Variants in MTHFSD observed in about 807,000 individuals in gnomAD.
The protein encoded by MTHFSD is methenyltetrahydrofolate synthase domain-containing protein.
MTHFSD carries 37 observed loss-of-function variants against 31.1 expected under a neutral mutation model. The observed-to-expected ratio is 1.19, with a 90% CI of 0.91 to 1.56. The LOEUF is 1.56. Among genes scored for constraint, MTHFSD ranks in the 40% most tolerant of loss-of-function variants. The pLI is 0.00. For missense variants in MTHFSD, 664 were observed against 510.1 expected (o/e 1.30, Z -2.91); for synonymous variants, 221 against 206.9 (o/e 1.07, Z -0.59).
rs780433157 is a variant in MTHFSD, at chr16:86,554,732, G to A, written c.36C>T (p.Asp12=). The change falls in exon 2 of 8, where the codon GAC becomes GAT. Residue 12 remains aspartate (D), a synonymous_variant. Transcript: ENST00000360900. The part of the protein sequence containing the change: ...EPRAVGVSKQ[D]IREQIWGYME... ...TGTAGCCCCAAATTTGTTCACGTAT[G>A]TCCTGTTTGGAGACACCTACTGCAA... 2.1e-5 allele frequency: 34 copies of A among 1,614,000 alleles called. No homozygotes were observed. The highest frequency in any genetic ancestry group is 3.3e-4 in the Middle Eastern group (2 of 6,062).
rs201038572 is a variant in MTHFSD, at chr16:86,552,033, C to G, written c.237G>C (p.Gln79His). ...PLEGVRLLVL[Q>H]SKKTLLVPTP... ...GCTCGGCTCAGGGAAGTGGAATTACCTGCAGCACCAGCAGCCGAACGCCTT... is the reference window on the plus strand; with the variant it reads ...GCTCGGCTCAGGGAAGTGGAATTACGTGCAGCACCAGCAGCCGAACGCCTT... The change falls in exon 3 of 8, where the codon CAG becomes CAC. Residue 79 changes from glutamine (Q) to histidine (H), a missense_variant and splice_region_variant. Physicochemically the swap from Gln to His is conservative, Grantham distance 24 (BLOSUM62 0). Transcript: ENST00000360900. The G allele has an allele frequency of 6.2e-7, 1 of 1,614,150 alleles. No homozygotes were observed. Among genetic ancestry groups the G allele is most frequent in the Non-Finnish European group, 8.5e-7 (1 of 1,180,022 alleles).
At position 86,542,226 on chromosome 16, in the gene MTHFSD, C is replaced by T. The variant is rs147163454; in HGVS notation, c.443-13G>A. The T allele has an allele frequency of 1.2e-4, 194 of 1,607,672 alleles. 1 individual carries two copies. The Middle Eastern group carries it at 1.8e-3, about 15-fold the overall frequency. Reference sequence around the variant, plus strand: ...CCGATTCTCCAGCCTAAGAGACAACCGAGAATCAGTATCGCTGTGCGGTCC... The same window carrying T: ...CCGATTCTCCAGCCTAAGAGACAACTGAGAATCAGTATCGCTGTGCGGTCC... On this transcript the variant is annotated splice_polypyrimidine_tract_variant and intron_variant, in intron 5 of 7. Transcript: ENST00000360900. This position sits in a 1 kb window ranked among gnomAD's most constrained non-coding sequence, Gnocchi z 4.6.
Position 86,530,851 on chromosome 16 carries a change from T to A in MTHFSD, c.*1160A>T, listed in dbSNP as rs1969935856. 1 of 152,188 alleles carries A rather than the reference T, an allele frequency of 6.6e-6. No homozygotes were observed. The allele number at this position is 152,188 out of a possible 1,614,324, so 9.4% of individuals were successfully genotyped here. A position where few individuals can be genotyped will look rare whatever the true frequency, so the allele number is the denominator to read the frequency against. ...CAGGTGTGGCGCTTCCAGACGTTTC[T>A]ACTCTCTCATTTTATTCATGGCGAC... is the stretch of plus-strand genomic sequence containing the variant. On this transcript the variant is annotated 3_prime_UTR_variant, in exon 8 of 8. Transcript: ENST00000360900.
intron 7 of MTHFSD, chr16:86,535,425 AG>A (rs1241607504): frequency 1.0e-6 from 1 of 985,314 alleles, no homozygotes; most frequent in Non-Finnish European, 1.2e-6. Context: ...GCCAGCCAGC[AG>A]GGTGTCTGGA....
chr16:86,540,715 C>T, intron 7 of MTHFSD: 1 of 990,002 alleles, frequency 1.0e-6, no homozygotes, highest in Non-Finnish European at 1.2e-6. Flanking sequence ...TTAAGAAAGA[C>T]ATCAAGGGAT....
intron 7 of MTHFSD, 140 bp from the exon 8 acceptor site, chr16:86,532,621 A>C (rs1597308849): frequency 1.9e-6 from 1 of 539,278 alleles, no homozygotes; most frequent in Non-Finnish European, 3.0e-6. Flanking sequence ...GGGACATGGG[A>C]CTCCCACTGT....
At chr16:86,544,360 G>C (rs1339552058) in intron 5 of MTHFSD, among the ~76,000 whole-genome samples, 1 of 152,042 alleles carries the variant, frequency 6.6e-6, no homozygotes, top group Non-Finnish European at 1.5e-5. Flanking sequence ...GAGTCTGTAA[G>C]AAACTGAAAC....
chr16:86,536,477 G>C (rs568513361), intron 7 of MTHFSD, among the ~76,000 whole-genome samples: 120 of 152,276 alleles, frequency 7.9e-4, no homozygotes, highest in African/African-American at 2.8e-3. Flanking sequence ...GGTAGAAAAA[G>C]GCTCAATAGG....
Position 86,542,167 on chromosome 16 carries a change from G to A in MTHFSD, c.489C>T (p.Ala163=). 6.2e-7 allele frequency: 1 copy of A among 1,613,862 alleles called. No individual in the cohort carries two copies. The highest frequency in any genetic ancestry group is 8.5e-7 in the Non-Finnish European group (1 of 1,180,020). ...KGEGYADLEY[A]MMVSMGAVSK... ...TGACGGCGCCCATGGATACCATCATGGCATATTCCAGATCGGCGTAGCCTT... is the reference window on the plus strand; with the variant it reads ...TGACGGCGCCCATGGATACCATCATAGCATATTCCAGATCGGCGTAGCCTT... Residue 163 remains alanine, a synonymous_variant, in exon 6 of 8, where the codon GCC becomes GCT. Coordinates refer to ENST00000360900, the MANE Select transcript of MTHFSD (RefSeq NM_001159377.2). This position sits in a 1 kb window ranked among gnomAD's most constrained non-coding sequence, Gnocchi z 4.6.
rs530887125 is a variant in MTHFSD at position 86,542,110 on chromosome 16, G to A, written c.546C>T (p.His182=). 5.0e-5 allele frequency: 81 copies of A among 1,613,154 alleles called. No homozygotes were observed. Among genetic ancestry groups the A allele is most frequent in the Admixed American group, 2.8e-4 (17 of 60,002 alleles). Residue 182 remains histidine, a synonymous_variant, in exon 6 of 8, where the codon CAC becomes CAT. Coordinates refer to ENST00000360900, the MANE Select transcript of MTHFSD (RefSeq NM_001159377.2). The surrounding 1 kb of genome is among the most constrained non-coding windows in gnomAD (Gnocchi z 4.6). ...CATTCATAAGGAGCACCTGGCAGTC[G>A]TGGACGATGGTGACCACCGGCGTCT... ...SKETPVVTIV[H]DCQVVDIPEE... is the part of the protein sequence containing the mutation.
chr16:86,554,294 C>A (rs898036879), intron 2 of MTHFSD, among the ~76,000 whole-genome samples: 2 of 152,192 alleles, frequency 1.3e-5, no homozygotes, highest in Admixed American at 1.3e-4. Context: ...TGAACACATC[C>A]AAACATCAGA....
In MTHFSD at chr16:86,554,965, T is replaced by C. The variant is rs530563500; in HGVS notation, c.16+204A>G. On this transcript the variant is annotated intron_variant, in intron 1 of 7. Transcript: ENST00000360900. ...GCCTCGTCTTCTCGTTATCTTTATT[T>C]TTCCTGACATCTTTCTCGGGATTCC... 115 of 1,299,746 alleles carry C rather than the reference T, an allele frequency of 8.8e-5. No homozygotes were observed. The South Asian group carries it at 1.6e-3, about 18-fold the overall frequency. 80.5% of individuals were successfully genotyped at this position (1,299,746 alleles called of 1,614,324 possible). A position where few individuals can be genotyped will look rare whatever the true frequency, so the allele number is the denominator to read the frequency against.
chr16:86,541,403 G>A (rs1440220656), intron 7 of MTHFSD: 4 of 574,200 alleles, frequency 7.0e-6, no homozygotes, highest in Non-Finnish European at 1.1e-5. Flanking sequence ...GAAAAACAGG[G>A]GGCAAGTAAA....
intron 1 of MTHFSD, 67 bp downstream of exon 1, chr16:86,555,102 G>C: frequency 6.6e-7 from 1 of 1,520,358 alleles, no homozygotes; most frequent in Non-Finnish European, 8.8e-7. Context: ...GCCCCGCCTC[G>C]ACCCTCACCG....
intron 7 of MTHFSD, among the ~76,000 whole-genome samples, chr16:86,540,110 T>C (rs558167306): frequency 1.3e-5 from 2 of 152,186 alleles, no homozygotes; most frequent in Non-Finnish European, 2.9e-5. Flanking sequence ...TTTGGCTGCA[T>C]GGCTAGCGAG....
intron 7 of MTHFSD, among the ~76,000 whole-genome samples, chr16:86,536,286 T>C (rs1970681409): frequency 6.6e-6 from 1 of 152,230 alleles, no homozygotes; most frequent in African/African-American, 2.4e-5. Flanking sequence ...CACAGTGAAA[T>C]AACCATAGGG....
Position 86,552,046 on chromosome 16 carries a change from A to G in MTHFSD, c.224T>C (p.Leu75Pro). The change falls in exon 3 of 8, where the codon CTG becomes CCG. Residue 75 changes from leucine to proline, a missense_variant. Transcript: ENST00000360900. ...AAGTGGAATTACCTGCAGCACCAGC[A>G]GCCGAACGCCTTCCAGTGGTTTATC... is the stretch of plus-strand genomic sequence containing the variant. ...DPDKPLEGVR[L>P]LVLQSKKTLL... 1 of 1,614,228 alleles carries G rather than the reference A, an allele frequency of 6.2e-7. No individual in the cohort carries two copies. The highest frequency in any genetic ancestry group is 8.5e-7 in the Non-Finnish European group (1 of 1,180,040).
chr16:86,538,166 G>C (rs1365064195), intron 7 of MTHFSD, among the ~76,000 whole-genome samples: 2 of 152,230 alleles, frequency 1.3e-5, no homozygotes, highest in Admixed American at 6.5e-5. Context: ...AGGTTCTGGA[G>C]TCTGTAGCCA....
At chr16:86,533,595 C>G (rs962955908) in intron 7 of MTHFSD, 2 of 152,196 alleles carry the variant, frequency 1.3e-5, no homozygotes, top group Non-Finnish European at 2.9e-5. Flanking sequence ...AGTATCAATG[C>G]TCTCATTACA....
Sources: allele counts gnomAD v4.1 joint callset (sites outside exome capture counted in the v4.1 genomes callset), GRCh38; gene constraint gnomAD v4.1.1; non-coding constraint Gnocchi (gnomAD v3.1); transcripts MANE v1.5; gene names NCBI Gene and HGNC (gene_info 2026-07-23, HGNC 2026-07-21).